The following BRD4 variants were observed in gnomAD, a reference collection of about 807,000 sequenced individuals.
BRD4 encodes the protein bromodomain containing 4, also known as bromodomain-containing protein 4.
In BRD4, 16 loss-of-function variants were observed where a neutral mutation model predicts 142.1. That is an observed-to-expected ratio of 0.11 (90% CI 0.08 to 0.17). The LOEUF (loss-of-function observed/expected upper bound fraction) is 0.17. BRD4 is among the 10% of genes least tolerant of loss of function. The pLI, the probability that BRD4 is intolerant of heterozygous loss-of-function variation, is 1.00. For missense variants in BRD4, 1,424 were observed against 1,810.9 expected (o/e 0.79, Z 3.88); for synonymous variants, 833 against 707.5 (o/e 1.18, Z -2.82).
rs780441323 is a variant in BRD4, at chr19:15,243,313, G to A, written c.2756C>T (p.Pro919Leu). 3.5e-5 allele frequency: 52 copies of A among 1,468,150 alleles called. No homozygotes were observed. The highest frequency in any genetic ancestry group is 4.4e-5 in the Non-Finnish European group (49 of 1,108,632). The allele number at this position is 1,468,150 out of a possible 1,614,324, so 90.9% of individuals were successfully genotyped here. Residue 919 changes from proline to leucine, a missense_variant, in exon 14 of 20, where the codon CCT becomes CTT. Coordinates refer to ENST00000679869, the MANE Select transcript of BRD4 (RefSeq NM_001379291.1). ...CTGCATGGAGGTGAGGGGTGGGGCA[G>A]GTGGCTCTTCATCCTCCAGCAGCAC... ...PQVLLEDEEP[P>L]APPLTSMQMQ...
chr19:15,328,447 A>C (rs1004067657), intron 1 of BRD4, among the ~76,000 whole-genome samples: 1 of 152,194 alleles, frequency 6.6e-6, no homozygotes, highest in African/African-American at 2.4e-5. Context: ...GCTAAGTGGG[A>C]AATGTCCAGT....
At chr19:15,310,139 T>C (rs1165300616) in intron 1 of BRD4, among the ~76,000 whole-genome samples, 1 of 150,448 alleles carries the variant, frequency 6.6e-6, no homozygotes, top group Non-Finnish European at 1.5e-5. Context: ...TGGGTAGGAG[T>C]GAGAAGCCCA....
intron 1 of BRD4, among the ~76,000 whole-genome samples, chr19:15,278,568 A>G (rs1276704685): frequency 2.0e-5 from 3 of 149,424 alleles, no homozygotes; most frequent in East Asian, 1.9e-4. Context: ...AAAAAAAGAA[A>G]TAACTATGGT....
chr19:15,252,290 T>C (rs2047356329), intron 11 of BRD4, among the ~76,000 whole-genome samples: 1 of 152,234 alleles, frequency 6.6e-6, no homozygotes, highest in Non-Finnish European at 1.5e-5. Context: ...AGCAGCACAC[T>C]GCCACGACCA....
At chr19:15,325,312 C>A (rs542986533) in intron 1 of BRD4, among the ~76,000 whole-genome samples, 3 of 152,264 alleles carry the variant, frequency 2.0e-5, no homozygotes, top group African/African-American at 7.2e-5. Flanking sequence ...GTCTTTGGAG[C>A]AAGGCAGCAA....
Position 15,264,640 on chromosome 19 carries a change from G to A in BRD4, c.976C>T (p.Arg326Trp), listed in dbSNP as rs1568388201. ...TKLGQRRESS[R>W]PVKPPKKDVP... ...TCCTTCTTTGGAGGTTTCACAGGCC[G>A]GCTGCTCTCCCGCCGCTGGCCCAGC... is the stretch of plus-strand genomic sequence containing the variant. Residue 326 changes from arginine (R) to tryptophan (W), a missense_variant, in exon 6 of 20, where the codon CGG becomes TGG. Transcript: ENST00000679869. The A allele has an allele frequency of 5.0e-6, 8 of 1,613,832 alleles. No homozygotes were observed. Among genetic ancestry groups the A allele is most frequent in the Non-Finnish European group, 6.8e-6 (8 of 1,179,970 alleles).
chr19:15,326,127 T>A (rs796787416), intron 1 of BRD4, among the ~76,000 whole-genome samples: 1 of 143,908 alleles, frequency 6.9e-6, no homozygotes, highest in African/African-American at 2.6e-5. Flanking sequence ...AAACGAAACA[T>A]TTTGGAAATG....
intron 1 of BRD4, among the ~76,000 whole-genome samples, chr19:15,313,698 T>C (rs1318012208): frequency 1.3e-5 from 2 of 152,128 alleles, no homozygotes; most frequent in Non-Finnish European, 2.9e-5. Context: ...AATGTAATGA[T>C]TTAGTAAGAA....
chr19:15,251,818 A>G (rs1800441767), intron 11 of BRD4, among the ~76,000 whole-genome samples: 1 of 152,210 alleles, frequency 6.6e-6, no homozygotes, highest in Non-Finnish European at 1.5e-5. Flanking sequence ...AAGGCAAAGG[A>G]AAGCCCCTGC....
chr19:15,306,741 C>A (rs1220068769), intron 1 of BRD4, among the ~76,000 whole-genome samples: 2 of 152,158 alleles, frequency 1.3e-5, no homozygotes, highest in East Asian at 3.8e-4. Flanking sequence ...GTAGCTGGAG[C>A]AGTCAGAACA....
intron 1 of BRD4, among the ~76,000 whole-genome samples, chr19:15,290,586 G>A (rs2047774511): frequency 6.6e-6 from 1 of 152,076 alleles, no homozygotes; most frequent in Non-Finnish European, 1.5e-5. Context: ...CCAGCCCTGG[G>A]GAAGCAATTT....
At chr19:15,249,949 C>T (rs572845826) in intron 11 of BRD4, among the ~76,000 whole-genome samples, 26 of 152,298 alleles carry the variant, frequency 1.7e-4, no homozygotes, top group African/African-American at 5.3e-4. Context: ...GAAAAAGAAA[C>T]AGGCTAAGGA....
chr19:15,267,589 TC>T lies in BRD4; in HGVS notation c.424-39del, dbSNP rs1306207819. On this transcript the variant is annotated intron_variant, in intron 3 of 19. Coordinates refer to ENST00000679869, the MANE Select transcript of BRD4 (RefSeq NM_001379291.1). ...ACACAGGGGTAGAGTCAGAGGGCCC[TC>T]CCCTCCCCACCTCTGTAGACAGGGC... The T allele has an allele frequency of 2.5e-6, 4 of 1,600,888 alleles. No homozygotes were observed. In the African/African-American group the frequency reaches 5.4e-5, roughly 22 times the overall value.
rs57719337 is a variant in BRD4 at position 15,298,620 on chromosome 19, C to CAAAAAAAAAA, written c.-34-25497_-34-25488dup. ...TGGGCAACAGGGCGAGACTCCAACT[C>CAAAAAAAAAA]AAAAAAAAAAAAAAAAAAAAAAAAA... On this transcript the variant is annotated intron_variant, in intron 1 of 19. Coordinates refer to ENST00000679869, the MANE Select transcript of BRD4 (RefSeq NM_001379291.1). Among the ~76,000 whole-genome samples the CAAAAAAAAAA allele has an allele frequency of 2.6e-4, 17 of 66,038 alleles. 3 individuals are homozygous for CAAAAAAAAAA. The highest frequency in any genetic ancestry group is 3.6e-4 in the Non-Finnish European group (13 of 36,298). 43.3% of individuals were successfully genotyped at this position (66,038 alleles called of 152,430 possible). A position where few individuals can be genotyped will look rare whatever the true frequency, so the allele number is the denominator to read the frequency against.
At chr19:15,299,432 T>C (rs1469362311) in intron 1 of BRD4, among the ~76,000 whole-genome samples, 2 of 152,220 alleles carry the variant, frequency 1.3e-5, no homozygotes, top group African/African-American at 4.8e-5. Flanking sequence ...ATTGCTATGC[T>C]ATGCCCACAG....
chr19:15,292,777 C>A (rs1463261537), intron 1 of BRD4, among the ~76,000 whole-genome samples: 1 of 57,256 alleles, frequency 1.7e-5, no homozygotes, highest in Non-Finnish European at 3.2e-5. Context: ...GACTCCGTCT[C>A]AAAAAAAAAA....
chr19:15,284,928 G>GC (rs1301915072), intron 1 of BRD4, among the ~76,000 whole-genome samples: 2 of 152,194 alleles, frequency 1.3e-5, no homozygotes, highest in Non-Finnish European at 2.9e-5. Context: ...AAGTCAAGCA[G>GC]CCCAACTCTT....
At position 15,255,431 on chromosome 19, in the gene BRD4, T is replaced by C; in HGVS notation, c.1913A>G (p.Gln638Arg). The change falls in exon 10 of 20, where the codon CAG (glutamine) becomes CGG (arginine). Residue 638 changes from glutamine (Q) to arginine (R), a missense_variant. Transcript: ENST00000679869. ...EKLGRVVHII[Q>R]SREPSLKNSN... Reference sequence around the variant, plus strand: ...ATTCTTCAGGGAGGGCTCCCGTGACTGGATGATGTGCACCACGCGGCCCAG... The same window carrying C: ...ATTCTTCAGGGAGGGCTCCCGTGACCGGATGATGTGCACCACGCGGCCCAG... The C allele has an allele frequency of 6.2e-7, 1 of 1,614,150 alleles. No homozygotes were observed. The highest frequency in any genetic ancestry group is 8.5e-7 in the Non-Finnish European group (1 of 1,180,020).
At chr19:15,319,540 G>A (rs1336362044) in intron 1 of BRD4, among the ~76,000 whole-genome samples, 1 of 151,916 alleles carries the variant, frequency 6.6e-6, no homozygotes, top group African/African-American at 2.4e-5. Context: ...CTTAAACCTG[G>A]GAGGTCAAAG....
Sources: allele counts gnomAD v4.1 joint callset (sites outside exome capture counted in the v4.1 genomes callset), GRCh38; gene constraint gnomAD v4.1.1; transcripts MANE v1.5; gene names NCBI Gene and HGNC (gene_info 2026-07-23, HGNC 2026-07-21).